Variants in CBLB observed in about 807,000 individuals in gnomAD.
CBLB encodes Cbl proto-oncogene B.
Under a neutral mutation model 104.9 loss-of-function variants are expected in CBLB, and 31 were observed. The observed-to-expected ratio is 0.30, with a 90% confidence interval of 0.22 to 0.40. The LOEUF is 0.40. Among genes scored for constraint, CBLB ranks in the 10% least tolerant of loss-of-function variants. The pLI is 1.00. For missense variants in CBLB, 1,062 were observed against 1,214.6 expected, an observed-to-expected ratio of 0.87 and a Z score of 1.87; for synonymous variants, 440 against 422.6, an observed-to-expected ratio of 1.04 and a Z score of -0.51.
chr3:105,660,088 T>G (rs886582279), intron 18 of CBLB, among the ~76,000 whole-genome samples: 2 of 152,156 alleles, frequency 1.3e-5, no homozygotes, highest in South Asian at 4.1e-4. Context: ...TCCCAGGTCA[T>G]GGGCTAGCTA....
In CBLB at chr3:105,814,298, T is replaced by A. The variant is rs1357563724; in HGVS notation, c.420-37756A>T. 2.0e-5 allele frequency among the ~76,000 whole-genome samples: 3 copies of A among 152,204 alleles called. No individual in the cohort carries two copies. The South Asian group carries it at 6.2e-4, about 31-fold the overall frequency. On this transcript the variant is annotated intron_variant, in intron 3 of 18. Coordinates refer to ENST00000394030, the MANE Select transcript of CBLB (RefSeq NM_170662.5). The stretch of plus-strand genomic sequence containing the variant: ...CAACATAGAACCCAGATAAGAGGAT[T>A]TATCAATATACCTAAATCATTAATC...
chr3:105,744,132 T>C (rs917217727), intron 6 of CBLB, among the ~76,000 whole-genome samples: 10 of 152,188 alleles, frequency 6.6e-5, no homozygotes, highest in African/African-American at 2.2e-4. Flanking sequence ...GACCTGGCTG[T>C]TGTTCTCAAT....
rs59347770 is a variant in CBLB at position 105,800,751 on chromosome 3, C to T, written c.420-24209G>A. Among the ~76,000 whole-genome samples the T allele has an allele frequency of 3.9e-3, 588 of 152,192 alleles. 4 individuals are homozygous for T. The highest frequency in any genetic ancestry group is 0.013 in the African/African-American group (560 of 41,520). On this transcript the variant is annotated intron_variant, in intron 3 of 18. Coordinates refer to ENST00000394030, the MANE Select transcript of CBLB (RefSeq NM_170662.5). ...TACTGATAATTAAGGAATAATGTCT[C>T]TAATATGATCTGACTTACTGGGAAA... is the stretch of plus-strand genomic sequence containing the variant.
chr3:105,675,773 T>C (rs567064585), intron 17 of CBLB, among the ~76,000 whole-genome samples: 1 of 150,556 alleles, frequency 6.6e-6, no homozygotes, highest in African/African-American at 2.5e-5. Context: ...TAATCCCAGC[T>C]ACTTAGGGGG....
intron 3 of CBLB, among the ~76,000 whole-genome samples, chr3:105,779,452 T>G (rs2152970629): frequency 6.6e-6 from 1 of 152,332 alleles, no homozygotes; most frequent in South Asian, 2.1e-4. Context: ...GCCTTTAGTC[T>G]TGAAAGAAAC....
intron 3 of CBLB, among the ~76,000 whole-genome samples, chr3:105,794,132 TGGGC>T (rs1577249923): frequency 6.6e-6 from 1 of 152,242 alleles, no homozygotes; most frequent in East Asian, 1.9e-4. Context: ...AAGATTTATT[TGGGC>T]ATAAAATTCC....
intron 3 of CBLB, among the ~76,000 whole-genome samples, chr3:105,831,849 G>A (rs532307949): frequency 6.6e-6 from 1 of 151,886 alleles, no homozygotes; most frequent in East Asian, 1.9e-4. Flanking sequence ...GACAAGTGAG[G>A]CTGAAGTTTA....
chr3:105,681,856 T>G, intron 14 of CBLB, 38 bp from the exon 15 acceptor site: 1 of 1,172,580 alleles, frequency 8.5e-7, no homozygotes. Flanking sequence ...ATAAGGAGAA[T>G]ACTTTCCAAT....
In CBLB at chr3:105,800,250, A is replaced by G. The variant is rs77452654; in HGVS notation, c.420-23708T>C. 1.7e-3 allele frequency among the ~76,000 whole-genome samples: 256 copies of G among 152,314 alleles called. 2 individuals carry two copies. The highest frequency in any genetic ancestry group is 5.9e-3 in the African/African-American group (244 of 41,580). The stretch of plus-strand genomic sequence containing the variant: ...TGCAGACCAGTATCCCAGAGAATCA[A>G]TAAAATCTCTGGGGAAGGGACATGG... On this transcript the variant is annotated intron_variant, in intron 3 of 18. Coordinates refer to ENST00000394030, the MANE Select transcript of CBLB (RefSeq NM_170662.5).
chr3:105,674,974 A>G (rs1364686530), intron 17 of CBLB, among the ~76,000 whole-genome samples: 2 of 152,184 alleles, frequency 1.3e-5, no homozygotes, highest in Admixed American at 6.6e-5. Context: ...GGACACTGCA[A>G]TTTGACAATC....
At chr3:105,835,642 T>C (rs1311686542) in intron 3 of CBLB, among the ~76,000 whole-genome samples, 1 of 152,218 alleles carries the variant, frequency 6.6e-6, no homozygotes, top group East Asian at 1.9e-4. Context: ...ATTAAAATAC[T>C]TGGTGTACAT....
At position 105,805,432 on chromosome 3, in the gene CBLB, A is replaced by G. The variant is rs559329191; in HGVS notation, c.420-28890T>C. Among the ~76,000 whole-genome samples, 5 of 151,982 alleles carry G rather than the reference A, an allele frequency of 3.3e-5. No homozygotes were observed. The East Asian group carries it at 9.7e-4, about 29-fold the overall frequency. ...CGATTCCTGTGCCTCAGCTTCCCAA[A>G]TAGTTGGGATTACAGGCATGTGCCA... On this transcript the variant is annotated intron_variant, in intron 3 of 18. Transcript: ENST00000394030.
chr3:105,865,089 C>G (rs754700618), intron 2 of CBLB, among the ~76,000 whole-genome samples: 43 of 151,960 alleles, frequency 2.8e-4, no homozygotes, highest in Non-Finnish European at 5.0e-4. Flanking sequence ...GGTAATGTGT[C>G]AAGGGATTAA....
intron 11 of CBLB, 133 bp downstream of exon 11, chr3:105,703,850 ATAAAC>A (rs2152787068): frequency 1.3e-6 from 1 of 761,842 alleles, no homozygotes. Flanking sequence ...TGGGCTCACC[ATAAAC>A]TAAACGAGAA....
At chr3:105,698,541 T>C (rs1392918775) in intron 12 of CBLB, among the ~76,000 whole-genome samples, 1 of 147,266 alleles carries the variant, frequency 6.8e-6, no homozygotes, top group Non-Finnish European at 1.5e-5. Flanking sequence ...AAGATGCTAC[T>C]AGATTTGAAG....
At chr3:105,767,565 T>TC (rs951329797) in intron 4 of CBLB, among the ~76,000 whole-genome samples, 7 of 149,918 alleles carry the variant, frequency 4.7e-5, no homozygotes, top group African/African-American at 1.5e-4. Flanking sequence ...TTTCTTTCTT[T>TC]TTTTTTTTTT....
chr3:105,778,352 T>G (rs1303225050), intron 3 of CBLB, among the ~76,000 whole-genome samples: 1 of 152,178 alleles, frequency 6.6e-6, no homozygotes, highest in Non-Finnish European at 1.5e-5. Context: ...ATAACTCATG[T>G]TTTTTACCAA....
At position 105,737,216 on chromosome 3, in the gene CBLB, A is replaced by G; in HGVS notation, c.1026T>C (p.Thr342=). 6.3e-7 allele frequency: 1 copy of G among 1,593,600 alleles called. No individual in the cohort carries two copies. The highest frequency in any genetic ancestry group is 1.1e-5 in the South Asian group (1 of 89,954). The change falls in exon 8 of 19, where the codon ACT becomes ACC. Residue 342 remains threonine, a synonymous_variant. Coordinates refer to ENST00000394030, the MANE Select transcript of CBLB (RefSeq NM_170662.5). The part of the protein sequence containing the change: ...PDGRSYNPDL[T]GLCEPTPHDH... Reference sequence around the variant, plus strand: ...CATGAGGTGTAGGTTCACATAATCCAGTTAAATCAGGATTATAACTCCTCC... The same window carrying G: ...CATGAGGTGTAGGTTCACATAATCCGGTTAAATCAGGATTATAACTCCTCC...
At chr3:105,782,731 C>T (rs1224053767) in intron 3 of CBLB, among the ~76,000 whole-genome samples, 3 of 151,986 alleles carry the variant, frequency 2.0e-5, no homozygotes, top group Non-Finnish European at 4.4e-5. Flanking sequence ...TGCCACCACA[C>T]CTGGCTAATT....
Sources: gnomAD v4.1 joint callset for allele counts (sites outside exome capture counted in the v4.1 genomes callset) on GRCh38, gnomAD v4.1.1 for gene constraint, MANE v1.5 for transcripts, NCBI Gene and HGNC (gene_info 2026-07-23, HGNC 2026-07-21) for gene names.